Variants in SNX4 observed in about 807,000 individuals in gnomAD.
SNX4 encodes sorting nexin 4.
Under a neutral mutation model 70.8 loss-of-function variants are expected in SNX4, and 49 were observed. That is an observed-to-expected ratio of 0.69 (90% CI 0.55 to 0.88). The LOEUF (loss-of-function observed/expected upper bound fraction) is 0.88, where lower values mean the gene tolerates loss of function less well. Among genes scored for constraint, SNX4 ranks in the 40% least tolerant of loss-of-function variants. SNX4 has a pLI of 0.00. For missense variants in SNX4, 528 were observed against 544.8 expected (o/e 0.97, Z 0.31); for synonymous variants, 206 against 183.8 (o/e 1.12, Z -0.98).
intron 6 of SNX4, among the ~76,000 whole-genome samples, chr3:125,482,971 AC>A (rs893874674): frequency 6.6e-6 from 1 of 152,012 alleles, no homozygotes; most frequent in African/African-American, 2.4e-5. Context: ...AGGAATATAA[AC>A]CTAAAAACTA....
intron 1 of SNX4, 78 bp downstream of exon 1, chr3:125,519,954 G>GGCCCCC: frequency 1.8e-6 from 2 of 1,081,880 alleles, no homozygotes; most frequent in Non-Finnish European, 2.5e-6. Flanking sequence ...GCCCGGCCCA[G>GGCCCCC]CCCAGCCCAG....
intron 9 of SNX4, among the ~76,000 whole-genome samples, chr3:125,466,402 A>T (rs1008850609): frequency 2.0e-5 from 3 of 152,126 alleles, no homozygotes; most frequent in Non-Finnish European, 4.4e-5. Context: ...TATGGCAAAG[A>T]TTTCATGATG....
chr3:125,458,200 T>C (rs1933774900), intron 10 of SNX4, among the ~76,000 whole-genome samples: 1 of 144,462 alleles, frequency 6.9e-6, no homozygotes, highest in Non-Finnish European at 1.5e-5. Context: ...GGAGACAAGG[T>C]CTCACTCTGT....
intron 6 of SNX4, among the ~76,000 whole-genome samples, chr3:125,484,763 G>A (rs531877125): frequency 1.5e-4 from 23 of 152,206 alleles, no homozygotes; most frequent in African/African-American, 5.5e-4. Flanking sequence ...AGGCCAAGGT[G>A]GGAGGATCAC....
chr3:125,504,194 G>A (rs143026867), intron 2 of SNX4, among the ~76,000 whole-genome samples: 3,155 of 152,210 alleles, frequency 0.021, 107 homozygotes, highest in African/African-American at 0.072. Context: ...TTAGCTGGGT[G>A]TGGTAGCACA....
chr3:125,451,247 A>G (rs1933563862), intron 13 of SNX4, 58 bp downstream of exon 13: 4 of 1,053,492 alleles, frequency 3.8e-6, no homozygotes, highest in Admixed American at 2.6e-5. Flanking sequence ...TAATTTAAAT[A>G]CATGTATAAG....
chr3:125,514,600 C>T (rs1448420513), intron 1 of SNX4, among the ~76,000 whole-genome samples: 1 of 152,128 alleles, frequency 6.6e-6, no homozygotes, highest in Non-Finnish European at 1.5e-5. Flanking sequence ...CAATGTTGCC[C>T]AGGCTGGTCT....
chr3:125,513,584 A>C (rs1040435630), intron 1 of SNX4, among the ~76,000 whole-genome samples: 1 of 152,238 alleles, frequency 6.6e-6, no homozygotes, highest in East Asian at 1.9e-4. Flanking sequence ...CACTGAAAAA[A>C]ATTAAGTAAA....
chr3:125,464,404 G>C (rs1933955658), intron 9 of SNX4, among the ~76,000 whole-genome samples: 1 of 150,760 alleles, frequency 6.6e-6, no homozygotes, highest in Admixed American at 6.6e-5. Context: ...ATGTGTATGA[G>C]CCGAATTGAA....
Position 125,495,277 on chromosome 3 carries a change from T to TATATATATATATATATATATATACACAC in SNX4, c.597+2063_597+2064insGTGTGTATATATATATATATATATATAT. Reference sequence around the variant, plus strand: ...ATATATATATATATATATATATATATACACATACACACACACACACGTATG... The same window carrying TATATATATATATATATATATATACACAC: ...ATATATATATATATATATATATATATATATATATATATATATATATATACACACACACATACACACACACACACGTATG... On this transcript the variant is annotated intron_variant, in intron 5 of 13. Transcript: ENST00000251775. 2.4e-4 allele frequency among the ~76,000 whole-genome samples: 24 copies of TATATATATATATATATATATATACACAC among 99,598 alleles called. 1 individual carries two copies. Among genetic ancestry groups the TATATATATATATATATATATATACACAC allele is most frequent in the East Asian group, 7.5e-4 (2 of 2,656 alleles). 65.3% of individuals were successfully genotyped at this position (99,598 alleles called of 152,430 possible).
intron 12 of SNX4, 112 bp from the exon 13 acceptor site, chr3:125,451,531 G>A: frequency 1.5e-6 from 1 of 672,470 alleles, no homozygotes. Context: ...AGAAGGAAGA[G>A]TTATTGCTTG....
intron 13 of SNX4, among the ~76,000 whole-genome samples, chr3:125,449,774 C>A (rs569600793): frequency 6.6e-6 from 1 of 152,042 alleles, no homozygotes; most frequent in Non-Finnish European, 1.5e-5. Flanking sequence ...CTAAACAAAA[C>A]GGAGGGGGAA....
At chr3:125,500,445 C>A (rs116056315) in intron 2 of SNX4, among the ~76,000 whole-genome samples, 2,128 of 152,144 alleles carry the variant, frequency 0.014, 40 homozygotes, top group African/African-American at 0.047. Flanking sequence ...TCAATCTTAG[C>A]CCACTAAACT....
At chr3:125,519,698 A>G (rs1004768955) in intron 1 of SNX4, among the ~76,000 whole-genome samples, 2 of 145,422 alleles carry the variant, frequency 1.4e-5, no homozygotes, top group Non-Finnish European at 3.0e-5. Flanking sequence ...ACCACTGAAA[A>G]CCCCCTCCTC....
At chr3:125,478,509 A>C (rs781123658) in intron 7 of SNX4, among the ~76,000 whole-genome samples, 2 of 151,506 alleles carry the variant, frequency 1.3e-5, no homozygotes, top group Non-Finnish European at 2.9e-5. Context: ...AGGACCTTTT[A>C]GACCTTTAAC....
intron 6 of SNX4, among the ~76,000 whole-genome samples, chr3:125,485,922 C>T (rs1459808846): frequency 2.6e-5 from 4 of 152,118 alleles, no homozygotes; most frequent in Non-Finnish European, 5.9e-5. Context: ...CTCACTGCAA[C>T]CTCCGCCTCC....
intron 10 of SNX4, among the ~76,000 whole-genome samples, chr3:125,460,408 G>GCTA (rs1194924870): frequency 6.6e-6 from 1 of 152,118 alleles, no homozygotes; most frequent in Non-Finnish European, 1.5e-5. Flanking sequence ...CGTTGTACAA[G>GCTA]CTACTGATAA....
chr3:125,517,053 C>T (rs1935298374), intron 1 of SNX4: 1 of 152,046 alleles, frequency 6.6e-6, no homozygotes, highest in South Asian at 2.1e-4. Context: ...CTACTGTTTC[C>T]CCCCTTCTCA....
intron 9 of SNX4, among the ~76,000 whole-genome samples, chr3:125,468,131 T>A (rs533561838): frequency 6.6e-6 from 1 of 152,258 alleles, no homozygotes; most frequent in African/African-American, 2.4e-5. Flanking sequence ...CCTAAGTGAA[T>A]TAACACAGGA....
Sources: allele counts gnomAD v4.1 joint callset (sites outside exome capture counted in the v4.1 genomes callset), GRCh38; gene constraint gnomAD v4.1.1; transcripts MANE v1.5; gene names NCBI Gene and HGNC (gene_info 2026-07-23, HGNC 2026-07-21).